SLC9A2: variants seen among roughly 807,000 people sequenced by gnomAD.
The protein encoded by SLC9A2 is sodium/hydrogen exchanger 2.
In SLC9A2, 42 loss-of-function variants were observed where a neutral mutation model predicts 71.7. The observed-to-expected ratio is 0.59, with a 90% CI of 0.46 to 0.76. The LOEUF (loss-of-function observed/expected upper bound fraction) is 0.76, where lower values mean the gene tolerates loss of function less well. Among genes scored for constraint, SLC9A2 ranks in the 30% least tolerant of loss-of-function variants. SLC9A2 has a pLI of 0.00. For synonymous variants in SLC9A2, 396 were observed against 392.5 expected (o/e 1.01, Z -0.10); for missense variants, 829 against 1,017.4 (o/e 0.81, Z 2.52).
intron 5 of SLC9A2, among the ~76,000 whole-genome samples, chr2:102,687,212 T>C (rs1022303336): frequency 6.6e-6 from 1 of 152,170 alleles, no homozygotes; most frequent in Non-Finnish European, 1.5e-5. Context: ...GCATATTGCT[T>C]GGTTCCATGA....
In SLC9A2 at chr2:102,629,965, G is replaced by T. The variant is rs148118825; in HGVS notation, c.289+9828G>T. On this transcript the variant is annotated intron_variant, in intron 1 of 11. Transcript: ENST00000233969. ...TGTAAAGTGTTACAATAATTTCATG[G>T]AACATAATGGTATCAAATAAATTCC... is the stretch of plus-strand genomic sequence containing the variant. Among the ~76,000 whole-genome samples the T allele has an allele frequency of 1.8e-3, 269 of 152,128 alleles. 1 individual carries two copies. The highest frequency in any genetic ancestry group is 6.1e-3 in the African/African-American group (255 of 41,544).
In SLC9A2 at chr2:102,661,062, G is replaced by T. The variant is rs542684337; in HGVS notation, c.753+3035G>T. On this transcript the variant is annotated intron_variant, in intron 2 of 11. Transcript: ENST00000233969. ...CAAACACTTCATGCTATTGTACAGG[G>T]CTGTAGTAGATTAGAAGTAACTAGA... 2.6e-5 allele frequency among the ~76,000 whole-genome samples: 4 copies of T among 152,236 alleles called. No homozygotes were observed. In the South Asian group the frequency reaches 8.3e-4, roughly 32 times the overall value.
At chr2:102,621,725 C>A (rs1676141245) in intron 1 of SLC9A2, among the ~76,000 whole-genome samples, 1 of 152,070 alleles carries the variant, frequency 6.6e-6, no homozygotes, top group Admixed American at 6.6e-5. Flanking sequence ...TGATTATTGC[C>A]CAGGACAGTG....
intron 7 of SLC9A2, among the ~76,000 whole-genome samples, chr2:102,695,775 A>AATATAG (rs1677745406): frequency 3.7e-5 from 1 of 27,018 alleles, no homozygotes; most frequent in African/African-American, 1.0e-4. Context: ...TATATAATAT[A>AATATAG]TATTATATAT....
At chr2:102,693,449 T>C (rs1041068939) in intron 5 of SLC9A2, among the ~76,000 whole-genome samples, 1 of 152,258 alleles carries the variant, frequency 6.6e-6, no homozygotes, top group Admixed American at 6.5e-5. Flanking sequence ...GTTTCATTTT[T>C]AAGTGATATG....
chr2:102,650,038 G>A (rs11123942), intron 1 of SLC9A2, among the ~76,000 whole-genome samples: 57,384 of 151,962 alleles, frequency 0.38, 11,695 homozygotes, highest in East Asian at 0.68. Context: ...TGCATGCAGC[G>A]CTATTCACAA....
chr2:102,642,370 T>C (rs1676599930), intron 1 of SLC9A2, among the ~76,000 whole-genome samples: 1 of 152,242 alleles, frequency 6.6e-6, no homozygotes, highest in Non-Finnish European at 1.5e-5. Flanking sequence ...CTGAGAATTT[T>C]AATCATGAAT....
intron 3 of SLC9A2, among the ~76,000 whole-genome samples, chr2:102,678,903 T>C (rs17027735): frequency 0.022 from 3,421 of 152,258 alleles, 134 homozygotes; most frequent in African/African-American, 0.076. Context: ...ACCTCTCTAG[T>C]GGAAGGGAGA....
chr2:102,671,730 G>A (rs1392202395), intron 3 of SLC9A2, among the ~76,000 whole-genome samples: 2 of 152,280 alleles, frequency 1.3e-5, no homozygotes, highest in Admixed American at 6.5e-5. Flanking sequence ...TCTTTCCTAG[G>A]TCCTGTCCAA....
At chr2:102,646,565 GT>G (rs1213856480) in intron 1 of SLC9A2, among the ~76,000 whole-genome samples, 1 of 151,984 alleles carries the variant, frequency 6.6e-6, no homozygotes, top group African/African-American at 2.4e-5. Context: ...CCCATCTGAT[GT>G]GCAAAGACAC....
Position 102,710,780 on chromosome 2 carries a change from TAG to T in SLC9A2, c.*2298_*2299del, listed in dbSNP as rs770590487. On this transcript the variant is annotated 3_prime_UTR_variant, in exon 12 of 12. Coordinates refer to ENST00000233969, the MANE Select transcript of SLC9A2 (RefSeq NM_003048.6). ...ATTGTCACAATCTAAATTTCTGTAG[TAG>T]AGAGAGCCGTAGCCCTTTGTAAAGG... is the stretch of plus-strand genomic sequence containing the variant. 12 of 152,326 alleles carry T rather than the reference TAG, an allele frequency of 7.9e-5. No homozygotes were observed. Among genetic ancestry groups the T allele is most frequent in the East Asian group, 1.9e-4 (1 of 5,322 alleles). The allele number at this position is 152,326 out of a possible 1,614,324, so 9.4% of individuals were successfully genotyped here.
At chr2:102,688,905 G>A (rs973345223) in intron 5 of SLC9A2, among the ~76,000 whole-genome samples, 2 of 152,166 alleles carry the variant, frequency 1.3e-5, no homozygotes, top group African/African-American at 2.4e-5. Context: ...GTACTAAGTG[G>A]TTATCTAGAA....
intron 3 of SLC9A2, among the ~76,000 whole-genome samples, chr2:102,680,234 A>G (rs1677426603): frequency 6.6e-6 from 1 of 152,048 alleles, no homozygotes; most frequent in African/African-American, 2.4e-5. Flanking sequence ...TTCTGTATAC[A>G]TGTCTTTTTT....
At chr2:102,637,168 C>G (rs1221594285) in intron 1 of SLC9A2, among the ~76,000 whole-genome samples, 1 of 152,192 alleles carries the variant, frequency 6.6e-6, no homozygotes. Context: ...TCTGTGACTG[C>G]TTCACCTGCC....
intron 1 of SLC9A2, among the ~76,000 whole-genome samples, chr2:102,637,888 G>GTTGGT (rs1009856407): frequency 3.9e-5 from 6 of 152,206 alleles, no homozygotes; most frequent in Admixed American, 6.5e-5. Context: ...TGTCAGTGTG[G>GTTGGT]GCCCTGTTGG....
chr2:102,637,452 C>T (rs565592010), intron 1 of SLC9A2, among the ~76,000 whole-genome samples: 1 of 152,324 alleles, frequency 6.6e-6, no homozygotes, highest in East Asian at 1.9e-4. Context: ...AGCCAGTGAT[C>T]ATTTCCGAGC....
chr2:102,693,081 A>T (rs1309569831), intron 5 of SLC9A2, among the ~76,000 whole-genome samples: 3 of 150,172 alleles, frequency 2.0e-5, no homozygotes, highest in South Asian at 2.1e-4. Flanking sequence ...ACACACACAC[A>T]CTCTTTTTAT....
At chr2:102,701,334 CG>C (rs1558724862) in intron 8 of SLC9A2, 103 bp downstream of exon 8, 1 of 901,202 alleles carries the variant, frequency 1.1e-6, no homozygotes, top group African/African-American at 1.7e-5. Flanking sequence ...TTAATTGATC[CG>C]CCCCCCTCGG....
At chr2:102,693,064 T>TA (rs1677693045) in intron 5 of SLC9A2, among the ~76,000 whole-genome samples, 1 of 151,514 alleles carries the variant, frequency 6.6e-6, no homozygotes, top group African/African-American at 2.4e-5. Context: ...TTTATATATA[T>TA]ATATATACAC....
Sources: allele counts gnomAD v4.1 joint callset (sites outside exome capture counted in the v4.1 genomes callset), GRCh38; gene constraint gnomAD v4.1.1; transcripts MANE v1.5; gene names NCBI Gene and HGNC (gene_info 2026-07-23, HGNC 2026-07-21).